Variants in IPP observed in about 807,000 individuals in gnomAD.
IPP encodes the protein intracisternal A particle-promoted polypeptide.
In IPP, 41 loss-of-function variants were observed where a neutral mutation model predicts 64.1. The ratio of observed to expected loss-of-function variants is 0.64; its 90% CI spans 0.50 to 0.83. IPP has a LOEUF of 0.83. Ranked by LOEUF, IPP falls within the 40% of genes least tolerant of loss-of-function variation. The probability of loss-of-function intolerance (pLI) is 0.00; values close to 1 mark genes in which losing one functional copy is unlikely to be tolerated. For synonymous variants in IPP, 214 were observed against 235.2 expected (o/e 0.91, Z 0.83); for missense variants, 649 against 703.0 (o/e 0.92, Z 0.87).
At chr1:45,748,557 C>CT (rs898582958) in intron 1 of IPP, among the ~76,000 whole-genome samples, 41 of 152,230 alleles carry the variant, frequency 2.7e-4, no homozygotes, top group African/African-American at 7.2e-4. Flanking sequence ...GTAGTCCCAG[C>CT]TACTCAGGGG....
chr1:45,695,156 GTGTTTT>G (rs138876835), downstream of IPP, among the ~76,000 whole-genome samples: 532 of 152,142 alleles, frequency 3.5e-3, 9 homozygotes, highest in East Asian at 0.042. Flanking sequence ...TAGCTTTGGT[GTGTTTT>G]TGTTTTTGTT....
In IPP at chr1:45,699,982, C is replaced by A. The variant is rs1190020894; in HGVS notation, c.1739G>T (p.Gly580Val). 1.2e-6 allele frequency: 2 copies of A among 1,614,028 alleles called. No homozygotes were observed. Among genetic ancestry groups the A allele is most frequent in the African/African-American group, 2.7e-5 (2 of 74,910 alleles). ...CTTTATATTTCATAGCACAGCAACG[C>A]CCCCTTCACAACGACTGGTGATCAT... ...GNMITSRCEGGVAVL is the reference protein window; with the variant it reads ...GNMITSRCEGVVAVL The change falls in exon 9 of 9, where the codon GGC (glycine) becomes GTC (valine). Residue 580 changes from glycine to valine, a missense_variant. Transcript: ENST00000396478.
Position 45,727,653 on chromosome 1 carries a change from T to C in IPP, c.1026A>G (p.Gly342=). ...ARSGLGVTVL[G]GMVYAIGGEK... ...TACCTCCAATAGCGTAGACCATCCC[T>C]CCCAGAACTGTTACTCCCAGCCCAC... The change falls in exon 5 of 9, where the codon GGA becomes GGG. Residue 342 remains glycine, a synonymous_variant. Coordinates refer to ENST00000396478, the MANE Select transcript of IPP (RefSeq NM_005897.3). The C allele has an allele frequency of 6.3e-7, 1 of 1,584,352 alleles. No homozygotes were observed. Among genetic ancestry groups the C allele is most frequent in the Non-Finnish European group, 8.6e-7 (1 of 1,158,240 alleles).
intron 5 of IPP, among the ~76,000 whole-genome samples, chr1:45,721,659 T>C (rs1021500505): frequency 3.9e-5 from 6 of 152,258 alleles, no homozygotes; most frequent in African/African-American, 9.6e-5. Context: ...TAAGTCCTTT[T>C]AGCAAATCAC....
rs1645421356 is a variant in IPP at position 45,699,675 on chromosome 1, C to T, written c.*291G>A. 15 of 1,088,570 alleles carry T rather than the reference C, an allele frequency of 1.4e-5. No homozygotes were observed. In the South Asian group the frequency reaches 1.6e-4, roughly 11 times the overall value. The allele number at this position is 1,088,570 out of a possible 1,614,324, so 67.4% of individuals were successfully genotyped here. A position where few individuals can be genotyped will look rare whatever the true frequency, so the allele number is the denominator to read the frequency against. Reference sequence around the variant, plus strand: ...AATCATTCTTGAGTTTATTTTTTTTCTTTAAGAGACAGGATCTCATTCTGT... The same window carrying T: ...AATCATTCTTGAGTTTATTTTTTTTTTTTAAGAGACAGGATCTCATTCTGT... On this transcript the variant is annotated 3_prime_UTR_variant, in exon 9 of 9. Coordinates refer to ENST00000396478, the MANE Select transcript of IPP (RefSeq NM_005897.3).
chr1:45,702,475 G>C (rs939821751), intron 8 of IPP, among the ~76,000 whole-genome samples: 2 of 152,146 alleles, frequency 1.3e-5, no homozygotes, highest in African/African-American at 4.8e-5. Flanking sequence ...TATCATTTGA[G>C]ACGGAGTCTC....
rs1645428629 is a variant in IPP, at chr1:45,699,862, A to C, written c.*104T>G. ...CATTTATCTACCAAATACATGGAAA[A>C]CTCACAGAATCAGAGGGTCTTATCA... On this transcript the variant is annotated 3_prime_UTR_variant, in exon 9 of 9. Transcript: ENST00000396478. The C allele has an allele frequency of 2.6e-6, 4 of 1,518,068 alleles. No homozygotes were observed. Among genetic ancestry groups the C allele is most frequent in the Non-Finnish European group, 3.5e-6 (4 of 1,136,688 alleles). 94.0% of individuals were successfully genotyped at this position (1,518,068 alleles called of 1,614,324 possible). A position where few individuals can be genotyped will look rare whatever the true frequency, so the allele number is the denominator to read the frequency against.
rs1645603665 is a variant in IPP, at chr1:45,712,509, A to C, written c.1530+1737T>G. On this transcript the variant is annotated intron_variant, in intron 8 of 8. Transcript: ENST00000396478. ...ATCCCCACATATTTTTAAATTAAAT[A>C]ATGTTGTTCTTACAACCCATTAGTC... Among the ~76,000 whole-genome samples, 5 of 152,216 alleles carry C rather than the reference A, an allele frequency of 3.3e-5. No individual in the cohort carries two copies. In the South Asian group the frequency reaches 1.0e-3, roughly 32 times the overall value.
chr1:45,720,179 G>T (rs972606011), intron 5 of IPP, among the ~76,000 whole-genome samples: 6 of 151,030 alleles, frequency 4.0e-5, no homozygotes. Context: ...GGACTCAAGC[G>T]ATCCTCCTGC....
At chr1:45,744,578 C>T (rs544422933) in intron 2 of IPP, among the ~76,000 whole-genome samples, 3 of 152,214 alleles carry the variant, frequency 2.0e-5, no homozygotes, top group African/African-American at 4.8e-5. Context: ...TAGTGGCTCA[C>T]GCCTGCAATC....
intron 3 of IPP, among the ~76,000 whole-genome samples, chr1:45,731,433 C>CT (rs1240253152): frequency 1.3e-5 from 2 of 152,218 alleles, no homozygotes; most frequent in East Asian, 3.9e-4. Context: ...GAGTGAGACT[C>CT]TGTCTCAAAA....
chr1:45,719,849 C>T (rs1448190985), intron 5 of IPP, among the ~76,000 whole-genome samples: 1 of 151,992 alleles, frequency 6.6e-6, no homozygotes, highest in Non-Finnish European at 1.5e-5. Flanking sequence ...CCTCAGCCTC[C>T]TGAGTAGCTG....
chr1:45,718,405 G>A (rs1367807183), intron 6 of IPP, among the ~76,000 whole-genome samples: 1 of 152,226 alleles, frequency 6.6e-6, no homozygotes, highest in African/African-American at 2.4e-5. Context: ...AAGAATGTGT[G>A]TGACTAGCAG....
chr1:45,747,117 C>CGA (rs1646147258), intron 1 of IPP, among the ~76,000 whole-genome samples: 1 of 149,904 alleles, frequency 6.7e-6, no homozygotes. Context: ...CGCGCGCACA[C>CGA]GAGCGCGCGC....
In IPP at chr1:45,746,445, C is replaced by CATAATCTGTTACTACCCTGA; in HGVS notation, c.-50-4_-35dup. The CATAATCTGTTACTACCCTGA allele has an allele frequency of 4.5e-6, 7 of 1,553,284 alleles. No individual in the cohort carries two copies. The highest frequency in any genetic ancestry group is 5.3e-6 in the Non-Finnish European group (6 of 1,136,550). On this transcript the variant is annotated 5_prime_UTR_variant, in exon 2 of 9. It adds an upstream start codon to the 5' untranslated region. Coordinates refer to ENST00000396478, the MANE Select transcript of IPP (RefSeq NM_005897.3). ...TAGATTAATTAAAAGGACTGTTGCC[C>CATAATCTGTTACTACCCTGA]ATAATCTGTTACTACCCTGAAAAAC...
At chr1:45,696,311 C>A (rs555007667), downstream of IPP, among the ~76,000 whole-genome samples, 2 of 152,246 alleles carry the variant, frequency 1.3e-5, no homozygotes, top group East Asian at 3.9e-4. Flanking sequence ...TCACTTTAAT[C>A]ATTTCTCAAA....
At chr1:45,745,793 A>G (rs1424443323) in intron 2 of IPP, among the ~76,000 whole-genome samples, 1 of 152,046 alleles carries the variant, frequency 6.6e-6, no homozygotes. Flanking sequence ...TGAACCTGGG[A>G]GGCAGAGGTT....
chr1:45,717,668 C>T (rs1427543939), intron 6 of IPP, among the ~76,000 whole-genome samples: 4 of 152,038 alleles, frequency 2.6e-5, no homozygotes, highest in African/African-American at 7.2e-5. Context: ...CCCACCACCA[C>T]GCCCAGCTAA....
chr1:45,741,307 A>G lies in IPP; in HGVS notation c.318T>C (p.Asn106=). 1 of 1,612,786 alleles carries G rather than the reference A, an allele frequency of 6.2e-7. No individual in the cohort carries two copies. The highest frequency in any genetic ancestry group is 8.5e-7 in the Non-Finnish European group (1 of 1,179,062). Residue 106 remains asparagine, a synonymous_variant, in exon 3 of 9, where the codon AAT becomes AAC. Transcript: ENST00000396478. ...CTGCTGCAATAATCAACTCCTGGAC[A>G]TTATTCACACCTATGTTCACTATAC... ...YTGIVNIGVN[N]VQELIIAADM...
Sources: gnomAD v4.1 joint callset for allele counts (sites outside exome capture counted in the v4.1 genomes callset) on GRCh38, gnomAD v4.1.1 for gene constraint, MANE v1.5 for transcripts, NCBI Gene and HGNC (gene_info 2026-07-23, HGNC 2026-07-21) for gene names.